The following NREP variants were observed in gnomAD, a reference collection of about 807,000 sequenced individuals.
The protein encoded by NREP is neuronal regeneration related protein, also known as neuronal regeneration-related protein.
In NREP, 5 loss-of-function variants were observed where a neutral mutation model predicts 8.6. That is an observed-to-expected ratio of 0.58 (90% CI 0.30 to 1.22). The LOEUF is 1.22. Ranked by LOEUF, NREP falls within the 50% of genes most tolerant of loss-of-function variation. The pLI is 0.07. For missense variants in NREP, 86 were observed against 82.5 expected, an observed-to-expected ratio of 1.04 and a Z score of -0.17; for synonymous variants, 27 against 28.0, an observed-to-expected ratio of 0.96 and a Z score of 0.11.
At chr5:111,901,225 A>C (rs1353644125) in intron 2 of NREP, among the ~76,000 whole-genome samples, 1 of 152,164 alleles carries the variant, frequency 6.6e-6, no homozygotes, top group Non-Finnish European at 1.5e-5. Flanking sequence ...AATGATCATA[A>C]AACAGATTTA....
At chr5:111,848,834 T>C (rs568390588) in intron 2 of NREP, among the ~76,000 whole-genome samples, 5 of 152,002 alleles carry the variant, frequency 3.3e-5, no homozygotes, top group South Asian at 4.1e-4. Context: ...TTCCTCATTA[T>C]GTAGCAGAGG....
chr5:111,835,411 T>A (rs1752869721), intron 2 of NREP, among the ~76,000 whole-genome samples: 1 of 152,058 alleles, frequency 6.6e-6, no homozygotes, highest in Non-Finnish European at 1.5e-5. Context: ...GAAGGAGGCA[T>A]TATCTACCAA....
upstream of NREP, among the ~76,000 whole-genome samples, chr5:111,759,994 ACT>A (rs900503033): frequency 5.9e-5 from 9 of 152,278 alleles, 1 homozygote; most frequent in African/African-American, 2.2e-4. Flanking sequence ...CCTTCACTTC[ACT>A]CTGATTGATC....
At chr5:111,947,247 T>C (rs1205385523) in intron 2 of NREP, among the ~76,000 whole-genome samples, 1 of 152,074 alleles carries the variant, frequency 6.6e-6, no homozygotes, top group Non-Finnish European at 1.5e-5. Flanking sequence ...TCTTAGGAGA[T>C]CCTACATACT....
At chr5:111,966,466 T>C (rs997804543) in intron 2 of NREP, among the ~76,000 whole-genome samples, 1 of 152,190 alleles carries the variant, frequency 6.6e-6, no homozygotes, top group African/African-American at 2.4e-5. Context: ...GAAGAGAAAC[T>C]ACTAACAGAA....
At chr5:111,920,373 A>T (rs1211626230) in intron 2 of NREP, among the ~76,000 whole-genome samples, 1 of 151,950 alleles carries the variant, frequency 6.6e-6, no homozygotes, top group African/African-American at 2.4e-5. Context: ...TACGTGTGTC[A>T]TGGTGGTTTG....
At chr5:111,756,308 A>T in intron 1 of NREP, 1 of 781,208 alleles carries the variant, frequency 1.3e-6, no homozygotes, top group Non-Finnish European at 1.5e-6. Context: ...AAAAAAAAAA[A>T]AAAACCCTAC....
At chr5:111,823,106 T>C (rs1047851001) in intron 2 of NREP, among the ~76,000 whole-genome samples, 4 of 152,218 alleles carry the variant, frequency 2.6e-5, no homozygotes, top group African/African-American at 9.6e-5. Flanking sequence ...GGATCCGGTA[T>C]GTGCAGAAAT....
chr5:111,901,158 T>G (rs1044188119), intron 2 of NREP, among the ~76,000 whole-genome samples: 2 of 152,138 alleles, frequency 1.3e-5, no homozygotes, highest in African/African-American at 4.8e-5. Context: ...TTATGAAGTT[T>G]TGTCCTTCAT....
At chr5:111,799,030 G>A (rs1297517105) in intron 2 of NREP, among the ~76,000 whole-genome samples, 1 of 152,102 alleles carries the variant, frequency 6.6e-6, no homozygotes, top group Non-Finnish European at 1.5e-5. Context: ...GTACTAGTTT[G>A]CATTCCCACC....
At chr5:111,759,542 CCTCT>C (rs1750912694), upstream of NREP, among the ~76,000 whole-genome samples, 1 of 151,738 alleles carries the variant, frequency 6.6e-6, no homozygotes, top group Admixed American at 6.6e-5. Flanking sequence ...GCACAAGCCA[CCTCT>C]CTTGGCCAAT....
chr5:111,892,264 A>G (rs1309660706), intron 2 of NREP, among the ~76,000 whole-genome samples: 2 of 152,180 alleles, frequency 1.3e-5, no homozygotes, highest in African/African-American at 4.8e-5. Flanking sequence ...GAAACAAATC[A>G]TACAATAGAG....
chr5:111,946,197 G>C (rs1418481421), intron 2 of NREP, among the ~76,000 whole-genome samples: 1 of 150,938 alleles, frequency 6.6e-6, no homozygotes, highest in Non-Finnish European at 1.5e-5. Context: ...ATTTTGTCAA[G>C]TTAATTCAAT....
intron 2 of NREP, among the ~76,000 whole-genome samples, chr5:111,862,402 C>G (rs543365462): frequency 6.6e-6 from 1 of 152,224 alleles, no homozygotes; most frequent in Non-Finnish European, 1.5e-5. Flanking sequence ...AGCTGTAACT[C>G]TTTCCAAAGA....
At chr5:111,787,478 G>T (rs1751638896) in intron 2 of NREP, among the ~76,000 whole-genome samples, 1 of 151,842 alleles carries the variant, frequency 6.6e-6, no homozygotes, top group Non-Finnish European at 1.5e-5. Context: ...ATAGAGTTGG[G>T]GATAAGTACT....
At chr5:111,789,843 A>G (rs1751699228) in intron 2 of NREP, among the ~76,000 whole-genome samples, 1 of 152,224 alleles carries the variant, frequency 6.6e-6, no homozygotes, top group Non-Finnish European at 1.5e-5. Flanking sequence ...AATAACTATA[A>G]GATCTTAGGG....
At chr5:111,830,165 G>T (rs1050051213) in intron 2 of NREP, among the ~76,000 whole-genome samples, 6 of 151,542 alleles carry the variant, frequency 4.0e-5, no homozygotes, top group African/African-American at 7.3e-5. Flanking sequence ...TTTTTTTGTT[G>T]TTGTTGTTGT....
At chr5:111,904,324 A>G (rs1754723832) in intron 2 of NREP, among the ~76,000 whole-genome samples, 1 of 152,118 alleles carries the variant, frequency 6.6e-6, no homozygotes, top group Non-Finnish European at 1.5e-5. Flanking sequence ...TAGCTGTATG[A>G]TAAATAATTG....
At chr5:111,792,930 G>A (rs533856240) in intron 2 of NREP, among the ~76,000 whole-genome samples, 1 of 152,232 alleles carries the variant, frequency 6.6e-6, no homozygotes, top group South Asian at 2.1e-4. Context: ...TTTTTATTTG[G>A]TGGAACTTTG....
Sources: allele counts gnomAD v4.1 joint callset (sites outside exome capture counted in the v4.1 genomes callset), GRCh38; gene constraint gnomAD v4.1.1; transcripts MANE v1.5; gene names NCBI Gene and HGNC (gene_info 2026-07-23, HGNC 2026-07-21).